The following DEPDC5 variants were observed in gnomAD, a reference collection of about 807,000 sequenced individuals.
DEPDC5 encodes DEP domain containing 5, GATOR1 subcomplex subunit.
DEPDC5 carries 73 observed loss-of-function variants against 217.3 expected under a neutral mutation model. The observed-to-expected ratio is 0.34, with a 90% CI of 0.28 to 0.41. The LOEUF (loss-of-function observed/expected upper bound fraction) is 0.41, where lower values mean the gene tolerates loss of function less well. Among genes scored for constraint, DEPDC5 ranks in the 10% least tolerant of loss-of-function variants. The pLI is 1.00. For synonymous variants in DEPDC5, 733 were observed against 756.7 expected, an observed-to-expected ratio of 0.97 and a Z score of 0.51; for missense variants, 1,675 against 2,070.1, an observed-to-expected ratio of 0.81 and a Z score of 3.70.
intron 4 of DEPDC5, among the ~76,000 whole-genome samples, chr22:31,764,684 G>A (rs970083852): frequency 2.0e-5 from 3 of 152,134 alleles, no homozygotes; most frequent in Non-Finnish European, 4.4e-5. Flanking sequence ...CCAAAGTGCT[G>A]AGATTACAGG....
At chr22:31,842,107 C>A (rs912191712) in intron 27 of DEPDC5, among the ~76,000 whole-genome samples, 15 of 152,198 alleles carry the variant, frequency 9.9e-5, no homozygotes, top group Non-Finnish European at 4.4e-5. Context: ...TGAGCCCTGG[C>A]CTCCTGGAAG....
rs117221332 is a variant in DEPDC5, at chr22:31,824,623, G to A, written c.2104+1833G>A. 5.9e-5 allele frequency among the ~76,000 whole-genome samples: 9 copies of A among 152,120 alleles called. No homozygotes were observed. The East Asian group carries it at 1.4e-3, about 23-fold the overall frequency. On this transcript the variant is annotated intron_variant, in intron 24 of 42. Transcript: ENST00000651528. ...AAATGTAGGGATAGAAAGACACTGT[G>A]CCCCTCTGTACTCAGAGGGCTGAAA...
rs1238168343 is a variant in DEPDC5, at chr22:31,754,150, G to T, written c.-75G>T. ...AGTGCCCCGGCCAGAGGCGGGAAGG[G>T]GCTCTAGAGCTTCGGTGAGTGGAGC... On this transcript the variant is annotated 5_prime_UTR_variant, in exon 1 of 43. Transcript: ENST00000651528. 1.3e-5 allele frequency: 2 copies of T among 152,802 alleles called. No individual in the cohort carries two copies. The highest frequency in any genetic ancestry group is 2.4e-5 in the African/African-American group (1 of 41,486). 9.5% of individuals were successfully genotyped at this position (152,802 alleles called of 1,614,324 possible).
chr22:31,867,662 T>C (rs2092724512), intron 33 of DEPDC5, among the ~76,000 whole-genome samples: 1 of 152,230 alleles, frequency 6.6e-6, no homozygotes, highest in Admixed American at 6.5e-5. Context: ...TCTCACTTTC[T>C]TACTCAAAGT....
chr22:31,867,032 A>T (rs1398670606), intron 33 of DEPDC5, among the ~76,000 whole-genome samples: 4 of 152,144 alleles, frequency 2.6e-5, no homozygotes, highest in Non-Finnish European at 5.9e-5. Context: ...TCTAAAGCGG[A>T]GGGGGGAGTA....
intron 11 of DEPDC5, among the ~76,000 whole-genome samples, chr22:31,792,489 C>T (rs1476754400): frequency 6.6e-6 from 1 of 151,446 alleles, no homozygotes; most frequent in Non-Finnish European, 1.5e-5. Flanking sequence ...ACCTGTAGTC[C>T]CAGCTACCCA....
intron 31 of DEPDC5, among the ~76,000 whole-genome samples, chr22:31,847,359 GAAAA>G (rs982705513): frequency 1.7e-4 from 22 of 126,052 alleles, no homozygotes; most frequent in Non-Finnish European, 1.7e-4. Flanking sequence ...CTTTACTGGG[GAAAA>G]AAAAAAAAAA....
intron 3 of DEPDC5, among the ~76,000 whole-genome samples, chr22:31,760,293 C>T (rs2082282107): frequency 6.6e-6 from 1 of 152,040 alleles, no homozygotes; most frequent in Non-Finnish European, 1.5e-5. Flanking sequence ...TGGTCTCGAT[C>T]TCCTGACCTC....
intron 38 of DEPDC5, among the ~76,000 whole-genome samples, chr22:31,882,234 C>T (rs565882949): frequency 6.6e-6 from 1 of 152,196 alleles, no homozygotes; most frequent in Admixed American, 6.5e-5. Flanking sequence ...ACTTTTTCCT[C>T]ATAGATAAAA....
At chr22:31,760,622 G>A (rs149515471) in intron 3 of DEPDC5, 34 bp from the exon 4 acceptor site, 28,401 of 1,601,444 alleles carry the variant, frequency 0.018, 287 homozygotes, top group South Asian at 0.023. Flanking sequence ...TACTGTTCAC[G>A]GTATCCCAAC....
intron 31 of DEPDC5, 50 bp from the exon 32 acceptor site, chr22:31,857,395 C>A: frequency 6.7e-7 from 1 of 1,496,604 alleles, no homozygotes; most frequent in Non-Finnish European, 9.1e-7. Flanking sequence ...ATGGATCCTT[C>A]ACCAGGGAGC....
chr22:31,840,372 A>G (rs12484968), intron 27 of DEPDC5, among the ~76,000 whole-genome samples: 1,877 of 152,304 alleles, frequency 0.012, 99 homozygotes, highest in Admixed American at 0.078. Flanking sequence ...CTTTCTGGAC[A>G]CCAAAAAGAA....
chr22:31,803,239 C>G (rs1364392708), intron 15 of DEPDC5, among the ~76,000 whole-genome samples: 1 of 151,492 alleles, frequency 6.6e-6, no homozygotes, highest in African/African-American at 2.4e-5. Context: ...TAGACGGAGT[C>G]TCGCTCTGTC....
At position 31,819,107 on chromosome 22, in the gene DEPDC5, G is replaced by T. The variant is rs761259227; in HGVS notation, c.1752G>T (p.Leu584=). 13 of 1,614,112 alleles carry T rather than the reference G, an allele frequency of 8.1e-6. No individual in the cohort carries two copies. The highest frequency in any genetic ancestry group is 1.0e-5 in the Non-Finnish European group (12 of 1,180,046). Reference sequence around the variant, plus strand: ...ACGTTGGCAGTGCAGAATCCATGCTGCATGTTCGACCTGGTGGATACACGC... The same window carrying T: ...ACGTTGGCAGTGCAGAATCCATGCTTCATGTTCGACCTGGTGGATACACGC... ...RFHVGSAESM[L]HVRPGGYTPQ... is the part of the protein sequence containing the mutation. Residue 584 remains leucine (L), a synonymous_variant, in exon 22 of 43, where the codon CTG becomes CTT. Coordinates refer to ENST00000651528, the MANE Select transcript of DEPDC5 (RefSeq NM_001242896.3).
rs556114975 is a variant in DEPDC5, at chr22:31,781,892, G to A, written c.484-2015G>A. 2.6e-4 allele frequency among the ~76,000 whole-genome samples: 40 copies of A among 152,022 alleles called. 2 individuals carry two copies. The highest frequency in any genetic ancestry group is 3.4e-3 in the Middle Eastern group (1 of 294). ...TCTAAAAAGAAAAATTTAGCCAGGG[G>A]TAGTGGCCCACACCTATAATCTCAG... On this transcript the variant is annotated intron_variant, in intron 8 of 42. Coordinates refer to ENST00000651528, the MANE Select transcript of DEPDC5 (RefSeq NM_001242896.3).
At chr22:31,809,752 G>A (rs1813704004) in intron 19 of DEPDC5, 105 bp downstream of exon 19, 1 of 1,191,966 alleles carries the variant, frequency 8.4e-7, no homozygotes, top group Admixed American at 1.9e-5. Context: ...GGCCAAGGTT[G>A]GTGGATCACC....
intron 13 of DEPDC5, 54 bp downstream of exon 13, chr22:31,797,757 T>C: frequency 3.0e-6 from 4 of 1,347,938 alleles, no homozygotes; most frequent in Non-Finnish European, 4.3e-6. Flanking sequence ...GTAGGAGGGG[T>C]CTGGGAGACA....
At chr22:31,780,534 C>A (rs560378472) in intron 8 of DEPDC5, among the ~76,000 whole-genome samples, 50 of 152,274 alleles carry the variant, frequency 3.3e-4, no homozygotes, top group African/African-American at 1.2e-3. Flanking sequence ...CTCATTGTTC[C>A]CCAACATGCC....
At chr22:31,818,699 A>C (rs1378494918) in intron 21 of DEPDC5, among the ~76,000 whole-genome samples, 4 of 152,120 alleles carry the variant, frequency 2.6e-5, no homozygotes, top group African/African-American at 9.7e-5. Context: ...CCCAAGGGAG[A>C]CAACTCAAGT....
Sources: allele counts gnomAD v4.1 joint callset (sites outside exome capture counted in the v4.1 genomes callset), GRCh38; gene constraint gnomAD v4.1.1; transcripts MANE v1.5; gene names NCBI Gene and HGNC (gene_info 2026-07-23, HGNC 2026-07-21).